The following SCOC variants were observed in gnomAD, a reference collection of about 807,000 sequenced individuals.
SCOC encodes the protein short coiled coil protein.
SCOC carries 7 observed loss-of-function variants against 9.9 expected under a neutral mutation model. The observed-to-expected ratio is 0.71, with a 90% CI of 0.40 to 1.33. The LOEUF (loss-of-function observed/expected upper bound fraction) is 1.33, where lower values mean the gene tolerates loss of function less well. Ranked by LOEUF, SCOC falls within the 40% of genes most tolerant of loss-of-function variation. SCOC has a pLI of 0.01. For missense variants in SCOC, 66 were observed against 89.7 expected (o/e 0.74, Z 1.07); for synonymous variants, 19 against 28.2 (o/e 0.67, Z 1.03).
At chr4:140,345,244 A>G (rs951234614) in intron 2 of SCOC, among the ~76,000 whole-genome samples, 2 of 152,186 alleles carry the variant, frequency 1.3e-5, no homozygotes, top group Non-Finnish European at 2.9e-5. Context: ...CGAGAGGACC[A>G]ACGTCCCCTT....
Position 140,269,647 on chromosome 4 carries a change from GGTT to G in SCOC, c.-19+12241_-19+12243del, listed in dbSNP as rs150301711. Among the ~76,000 whole-genome samples, 1,229 of 152,216 alleles carry G rather than the reference GGTT, an allele frequency of 8.1e-3. 5 individuals carry two copies. Among genetic ancestry groups the G allele is most frequent in the African/African-American group, 0.012 (501 of 41,546 alleles). The stretch of plus-strand genomic sequence containing the variant: ...ACAAAATCATGAGATATAATAAAAT[GGTT>G]GTTATTTTAAGCCACTAAGCATTGG... On this transcript the variant is annotated intron_variant, in intron 1 of 4. Transcript: ENST00000394205.
At chr4:140,343,510 G>C (rs940368658) in intron 1 of SCOC, 1 of 659,070 alleles carries the variant, frequency 1.5e-6, no homozygotes, top group East Asian at 2.8e-5. Flanking sequence ...AGGGTGGCTA[G>C]TGCAAGGATC....
chr4:140,317,338 C>T (rs1365658629), intron 1 of SCOC, among the ~76,000 whole-genome samples: 1 of 152,132 alleles, frequency 6.6e-6, no homozygotes, highest in Non-Finnish European at 1.5e-5. Context: ...GTGTCCTGGG[C>T]CTGGTAGTTA....
Position 140,329,551 on chromosome 4 carries a change from C to G in SCOC, c.-18-14070C>G, listed in dbSNP as rs370431707. On this transcript the variant is annotated intron_variant, in intron 1 of 4. Coordinates refer to the SCOC transcript ENST00000394205. ...GGAGAAAATATTCGCAAAAATACAT[C>G]TGACAAAGGACTAATATCCAGAATT... 6.4e-4 allele frequency among the ~76,000 whole-genome samples: 97 copies of G among 152,192 alleles called. 3 individuals carry two copies. In the South Asian group the frequency reaches 0.012, roughly 20 times the overall value.
At chr4:140,279,627 T>C (rs1344698457) in intron 1 of SCOC, among the ~76,000 whole-genome samples, 2 of 152,228 alleles carry the variant, frequency 1.3e-5, no homozygotes, top group Non-Finnish European at 2.9e-5. Flanking sequence ...TCTATGTCTA[T>C]AACCTAAGAA....
chr4:140,297,863 T>C (rs1008337014), intron 1 of SCOC, among the ~76,000 whole-genome samples: 1 of 152,236 alleles, frequency 6.6e-6, no homozygotes, highest in Non-Finnish European at 1.5e-5. Flanking sequence ...TTAAGGTTAA[T>C]AGAAACCCCC....
chr4:140,345,703 A>G (rs1726707982), intron 2 of SCOC, among the ~76,000 whole-genome samples: 1 of 152,212 alleles, frequency 6.6e-6, no homozygotes, highest in Non-Finnish European at 1.5e-5. Flanking sequence ...TCTTTTTACA[A>G]TATACATATA....
At chr4:140,270,657 T>G (rs960016376) in intron 1 of SCOC, among the ~76,000 whole-genome samples, 2 of 152,136 alleles carry the variant, frequency 1.3e-5, no homozygotes, top group Non-Finnish European at 2.9e-5. Flanking sequence ...ACAGGACTAG[T>G]GACCCAAATG....
intron 1 of SCOC, among the ~76,000 whole-genome samples, chr4:140,336,240 A>G (rs1403575068): frequency 6.6e-6 from 1 of 152,148 alleles, no homozygotes; most frequent in Non-Finnish European, 1.5e-5. Flanking sequence ...CACATAATAT[A>G]AACTTAGCCA....
chr4:140,323,395 T>G (rs1323656257), intron 1 of SCOC, among the ~76,000 whole-genome samples: 1 of 152,222 alleles, frequency 6.6e-6, no homozygotes, highest in Non-Finnish European at 1.5e-5. Context: ...CTCTTTTCTT[T>G]AGAAATTACC....
upstream of SCOC, among the ~76,000 whole-genome samples, chr4:140,339,504 T>G (rs1352421399): frequency 6.6e-6 from 1 of 151,778 alleles, no homozygotes; most frequent in African/African-American, 2.4e-5. Flanking sequence ...ACCACCAGAG[T>G]GAACAGGCAA....
intron 1 of SCOC, among the ~76,000 whole-genome samples, chr4:140,328,439 T>G (rs759149846): frequency 6.6e-6 from 1 of 152,208 alleles, no homozygotes; most frequent in Non-Finnish European, 1.5e-5. Context: ...AATTTCTGTG[T>G]GCCACCTTCG....
chr4:140,293,650 G>C (rs1731542342), intron 1 of SCOC, among the ~76,000 whole-genome samples: 1 of 152,214 alleles, frequency 6.6e-6, no homozygotes, highest in African/African-American at 2.4e-5. Flanking sequence ...GATAGGTCCA[G>C]TACACCTACC....
intron 1 of SCOC, among the ~76,000 whole-genome samples, chr4:140,288,625 A>G (rs1731373764): frequency 6.6e-6 from 1 of 151,858 alleles, no homozygotes. Context: ...TCATACACAT[A>G]CATAACACCA....
At chr4:140,307,524 G>A (rs1456548625) in intron 1 of SCOC, among the ~76,000 whole-genome samples, 2 of 152,210 alleles carry the variant, frequency 1.3e-5, no homozygotes, top group African/African-American at 4.8e-5. Context: ...CTCAGTCCTA[G>A]AGATGAAGTC....
intron 1 of SCOC, among the ~76,000 whole-genome samples, chr4:140,295,927 T>G (rs1731618318): frequency 1.1e-5 from 1 of 90,556 alleles, no homozygotes; most frequent in Non-Finnish European, 1.8e-5. Context: ...CGAGACTCCG[T>G]CTCAAAAAAA....
intron 3 of SCOC, 96 bp downstream of exon 3, chr4:140,379,748 T>TTTAA: frequency 1.2e-6 from 1 of 856,566 alleles, no homozygotes; most frequent in Admixed American, 2.3e-5. Context: ...GATGTATAAT[T>TTTAA]TTTAAAAGAA....
intron 1 of SCOC, among the ~76,000 whole-genome samples, chr4:140,317,826 C>A (rs1732373262): frequency 1.4e-5 from 2 of 148,004 alleles, no homozygotes; most frequent in Non-Finnish European, 3.0e-5. Flanking sequence ...TTAGGTATAT[C>A]TCCCAGTGCT....
intron 2 of SCOC, among the ~76,000 whole-genome samples, chr4:140,353,413 C>CTT (rs1158574514): frequency 8.9e-5 from 13 of 145,566 alleles, no homozygotes; most frequent in Admixed American, 3.4e-4. Flanking sequence ...TTTTCTTTTT[C>CTT]TTTTTTTTTT....
Sources: allele counts gnomAD v4.1 joint callset (sites outside exome capture counted in the v4.1 genomes callset), GRCh38; gene constraint gnomAD v4.1.1; transcripts MANE v1.5; gene names NCBI Gene and HGNC (gene_info 2026-07-23, HGNC 2026-07-21).